The following ZNF680 variants were observed in gnomAD, a reference collection of about 807,000 sequenced individuals.
ZNF680 encodes the protein hypothetical protein FLJ90430.
ZNF680 carries 6 observed loss-of-function variants against 12.1 expected under a neutral mutation model. The observed-to-expected ratio is 0.49, with a 90% CI of 0.27 to 0.98. The LOEUF (loss-of-function observed/expected upper bound fraction) is 0.98, where lower values mean the gene tolerates loss of function less well. Ranked by LOEUF, ZNF680 falls within the 50% of genes least tolerant of loss-of-function variation. The probability of loss-of-function intolerance (pLI) is 0.12; values close to 1 mark genes in which losing one functional copy is unlikely to be tolerated. For missense variants in ZNF680, 561 were observed against 616.3 expected (o/e 0.91, Z 0.95); for synonymous variants, 170 against 199.3 (o/e 0.85, Z 1.24).
At chr7:64,533,829 C>T (rs555615567) in intron 3 of ZNF680, among the ~76,000 whole-genome samples, 7 of 152,200 alleles carry the variant, frequency 4.6e-5, no homozygotes, top group Non-Finnish European at 7.4e-5. Context: ...CATAGAACAA[C>T]GGAACAGAAT....
chr7:64,547,844 C>A (rs1358256804), intron 1 of ZNF680, among the ~76,000 whole-genome samples: 1 of 152,092 alleles, frequency 6.6e-6, no homozygotes, highest in East Asian at 1.9e-4. Context: ...AATTAAGGCC[C>A]TAAAATAAAT....
At chr7:64,501,418 C>A in the ZNF680 span, 1 of 1,080,754 alleles carries the variant, frequency 9.3e-7, no homozygotes, top group Non-Finnish European at 1.4e-6. Context: ...TAAGAAGGAA[C>A]TGACCCAGAT....
At chr7:64,555,439 A>G (rs1003246673) in intron 1 of ZNF680, among the ~76,000 whole-genome samples, 2 of 152,148 alleles carry the variant, frequency 1.3e-5, no homozygotes, top group Non-Finnish European at 2.9e-5. Flanking sequence ...TAAAGCAGAA[A>G]TCAAGTTCAT....
downstream of ZNF680, among the ~76,000 whole-genome samples, chr7:64,519,585 G>A (rs768495481): frequency 5.9e-5 from 9 of 151,742 alleles, no homozygotes; most frequent in South Asian, 2.1e-4. Context: ...ATGCTGTTTC[G>A]ATGACTAAAG....
the ZNF680 span, among the ~76,000 whole-genome samples, chr7:64,503,476 G>T: frequency 6.7e-6 from 1 of 149,096 alleles, no homozygotes; most frequent in Non-Finnish European, 1.5e-5. Context: ...TGCCTCCTGG[G>T]TTCAAGCGAT....
At position 64,543,748 on chromosome 7, in the gene ZNF680, G is replaced by A; in HGVS notation, c.212C>T (p.Pro71Leu). 1.9e-6 allele frequency: 3 copies of A among 1,613,574 alleles called. No homozygotes were observed. The highest frequency in any genetic ancestry group is 2.5e-6 in the Non-Finnish European group (3 of 1,179,774). The change falls in exon 3 of 4, where the codon CCC becomes CTC. Residue 71 changes from proline to leucine, a missense_variant. By Grantham distance (98) the Pro-to-Leu change is moderately conservative. Transcript: ENST00000309683. ...CATCTCCTGTCTCTTCCTATTCCAG[G>A]GCTCTTTTCCTTGCTCCAAACAGGT... ...LITCLEQGKEPWNRKRQEMVA... is the reference protein window; with the variant it reads ...LITCLEQGKELWNRKRQEMVA...
At chr7:64,540,407 A>T (rs1444822982) in intron 3 of ZNF680, among the ~76,000 whole-genome samples, 1 of 150,648 alleles carries the variant, frequency 6.6e-6, no homozygotes, top group Non-Finnish European at 1.5e-5. Flanking sequence ...CAGGTTCAAG[A>T]GATTCCCCTG....
At chr7:64,557,380 C>A (rs1787475800) in intron 1 of ZNF680, among the ~76,000 whole-genome samples, 1 of 150,576 alleles carries the variant, frequency 6.6e-6, no homozygotes, top group African/African-American at 2.4e-5. Context: ...CATGGTGAAA[C>A]CCCGTCTCTA....
chr7:64,501,359 A>C, the ZNF680 span: 1 of 1,225,494 alleles, frequency 8.2e-7, no homozygotes, highest in South Asian at 1.2e-5. Flanking sequence ...AGTGGACAGC[A>C]GGGATCTTCC....
intron 3 of ZNF680, among the ~76,000 whole-genome samples, chr7:64,538,822 G>A (rs888745304): frequency 6.6e-6 from 1 of 152,042 alleles, no homozygotes; most frequent in Admixed American, 6.6e-5. Flanking sequence ...TATGTTTCTT[G>A]TACCAGCATC....
At chr7:64,538,646 A>G (rs1400689353) in intron 3 of ZNF680, among the ~76,000 whole-genome samples, 2 of 152,258 alleles carry the variant, frequency 1.3e-5, no homozygotes, top group Admixed American at 6.5e-5. Context: ...AATTTGCAAC[A>G]AAAACACGTT....
intron 3 of ZNF680, among the ~76,000 whole-genome samples, chr7:64,531,978 C>A (rs1015126021): frequency 6.6e-6 from 1 of 151,984 alleles, no homozygotes; most frequent in Non-Finnish European, 1.5e-5. Context: ...CAAAAAAATA[C>A]AAAAGATAAA....
the ZNF680 span, among the ~76,000 whole-genome samples, chr7:64,509,255 T>C: frequency 6.6e-6 from 1 of 152,144 alleles, no homozygotes; most frequent in Admixed American, 6.5e-5. Flanking sequence ...ATGGGGAGCC[T>C]TGTCAGCCCT....
chr7:64,562,792 A>C (rs1787817932), intron 1 of ZNF680, 133 bp downstream of exon 1: 1 of 986,826 alleles, frequency 1.0e-6, no homozygotes, highest in Non-Finnish European at 1.6e-6. Context: ...CTGAGGACCG[A>C]GCTGCGCCAA....
chr7:64,532,563 A>G (rs892171661), intron 3 of ZNF680, among the ~76,000 whole-genome samples: 2 of 152,200 alleles, frequency 1.3e-5, no homozygotes, highest in Non-Finnish European at 2.9e-5. Context: ...GTCCAAGACC[A>G]GACAGATTCA....
intron 3 of ZNF680, among the ~76,000 whole-genome samples, chr7:64,537,645 C>T (rs1335256917): frequency 4.6e-5 from 7 of 152,168 alleles, no homozygotes; most frequent in African/African-American, 9.6e-5. Flanking sequence ...ACAGAATAGA[C>T]GGCCAGGTGC....
At chr7:64,518,591 T>C (rs1213992226), downstream of ZNF680, among the ~76,000 whole-genome samples, 1 of 151,670 alleles carries the variant, frequency 6.6e-6, no homozygotes, top group Non-Finnish European at 1.5e-5. Flanking sequence ...TACATAACTT[T>C]ATACTATAAA....
At chr7:64,518,314 C>CT (rs989026772), downstream of ZNF680, among the ~76,000 whole-genome samples, 3 of 151,668 alleles carry the variant, frequency 2.0e-5, no homozygotes, top group South Asian at 2.1e-4. Context: ...AAGAATGCAA[C>CT]TTTTTTTTAC....
chr7:64,556,399 A>G (rs1056431620), intron 1 of ZNF680, among the ~76,000 whole-genome samples: 1 of 152,154 alleles, frequency 6.6e-6, no homozygotes, highest in Non-Finnish European at 1.5e-5. Context: ...TATACAACAG[A>G]GTAACCAAAG....
Sources: allele counts gnomAD v4.1 joint callset (sites outside exome capture counted in the v4.1 genomes callset), GRCh38; gene constraint gnomAD v4.1.1; transcripts MANE v1.5; gene names NCBI Gene and HGNC (gene_info 2026-07-23, HGNC 2026-07-21).